MAP7: variants seen among roughly 807,000 people sequenced by gnomAD.
The protein encoded by MAP7 is microtubule associated protein 7.
A neutral mutation model predicts 94.8 loss-of-function variants in MAP7; 52 were observed. The observed-to-expected ratio is 0.55, with a 90% CI of 0.44 to 0.69. The LOEUF (loss-of-function observed/expected upper bound fraction) is 0.69. MAP7 is among the 30% of genes least tolerant of loss of function. The probability of loss-of-function intolerance (pLI) is 0.00; values close to 1 mark genes in which losing one functional copy is unlikely to be tolerated. For missense variants in MAP7, 940 were observed against 964.6 expected, an observed-to-expected ratio of 0.97 and a Z score of 0.34; for synonymous variants, 350 against 357.0, an observed-to-expected ratio of 0.98 and a Z score of 0.22.
intron 1 of MAP7, among the ~76,000 whole-genome samples, chr6:136,436,335 T>G (rs1796363299): frequency 6.6e-6 from 1 of 152,164 alleles, no homozygotes. Flanking sequence ...ATAAGGTAAC[T>G]ACTTATGCCT....
At chr6:136,402,218 T>C (rs777276262) in intron 3 of MAP7, among the ~76,000 whole-genome samples, 11 of 152,174 alleles carry the variant, frequency 7.2e-5, no homozygotes, top group Admixed American at 7.2e-4. Context: ...GCACTTACAC[T>C]CCAGACGGTA....
intron 1 of MAP7, among the ~76,000 whole-genome samples, chr6:136,494,304 A>G (rs1424737065): frequency 6.6e-6 from 1 of 152,210 alleles, no homozygotes; most frequent in Non-Finnish European, 1.5e-5. Context: ...AGATTTAGTA[A>G]CAGATTTGGT....
chr6:136,415,332 T>C (rs760920226), intron 2 of MAP7, among the ~76,000 whole-genome samples: 5 of 152,222 alleles, frequency 3.3e-5, no homozygotes, highest in East Asian at 1.9e-4. Context: ...GTCTGTAAAA[T>C]AGACAGTTTA....
intron 6 of MAP7, among the ~76,000 whole-genome samples, chr6:136,380,467 C>G (rs1334987571): frequency 1.3e-5 from 2 of 152,178 alleles, no homozygotes; most frequent in Non-Finnish European, 2.9e-5. Context: ...TAAAACAGAA[C>G]AAGCCTGTGA....
At chr6:136,411,260 C>T (rs547961602) in intron 3 of MAP7, among the ~76,000 whole-genome samples, 1 of 152,240 alleles carries the variant, frequency 6.6e-6, no homozygotes, top group Non-Finnish European at 1.5e-5. Context: ...ATTATTTTAA[C>T]AGAGAAGTCA....
chr6:136,381,030 T>G (rs556695305), intron 6 of MAP7, among the ~76,000 whole-genome samples: 1 of 152,380 alleles, frequency 6.6e-6, no homozygotes, highest in East Asian at 1.9e-4. Flanking sequence ...CTAATAATGA[T>G]GTATATACCT....
At chr6:136,443,681 C>T (rs1210170024) in intron 1 of MAP7, among the ~76,000 whole-genome samples, 2 of 152,060 alleles carry the variant, frequency 1.3e-5, no homozygotes, top group Non-Finnish European at 2.9e-5. Flanking sequence ...AACTCCTGAC[C>T]TCAAGTGATG....
chr6:136,460,993 C>T (rs537068268), intron 1 of MAP7, among the ~76,000 whole-genome samples: 113 of 152,254 alleles, frequency 7.4e-4, no homozygotes, highest in Middle Eastern at 3.4e-3. Flanking sequence ...GCGAGCATAA[C>T]TTACATGAAA....
At chr6:136,546,223 G>A (rs964441778) in intron 1 of MAP7, among the ~76,000 whole-genome samples, 5 of 151,848 alleles carry the variant, frequency 3.3e-5, no homozygotes, top group Non-Finnish European at 5.9e-5. Flanking sequence ...ACGTAACCCA[G>A]GCTAGTCTCA....
At chr6:136,503,461 T>C (rs1280006850) in intron 1 of MAP7, among the ~76,000 whole-genome samples, 4 of 152,106 alleles carry the variant, frequency 2.6e-5, no homozygotes, top group Non-Finnish European at 5.9e-5. Flanking sequence ...TGACCCGCCA[T>C]GTCAATGGAG....
intron 3 of MAP7, among the ~76,000 whole-genome samples, chr6:136,411,335 G>C (rs1787382347): frequency 1.3e-5 from 2 of 152,100 alleles, no homozygotes; most frequent in South Asian, 4.1e-4. Flanking sequence ...TATGTTTACT[G>C]TCCTCGCATT....
At chr6:136,436,481 G>C (rs1195119389) in intron 1 of MAP7, among the ~76,000 whole-genome samples, 1 of 151,896 alleles carries the variant, frequency 6.6e-6, no homozygotes, top group Non-Finnish European at 1.5e-5. Context: ...CTGGGCTCAA[G>C]TGATCCTTCT....
chr6:136,456,822 G>GGAAGATGAAGAAGAAGAAGAA (rs1803286218), intron 1 of MAP7, among the ~76,000 whole-genome samples: 2 of 69,040 alleles, frequency 2.9e-5, no homozygotes, highest in African/African-American at 6.3e-5. Context: ...AGAAGAAGAA[G>GGAAGATGAAGAAGAAGAAGAA]GAAGAAGAAG....
At chr6:136,405,171 C>T (rs143645375) in intron 3 of MAP7, among the ~76,000 whole-genome samples, 12 of 152,308 alleles carry the variant, frequency 7.9e-5, no homozygotes, top group South Asian at 6.2e-4. Flanking sequence ...ACATTGATTA[C>T]GTGCCAAGCT....
intron 3 of MAP7, among the ~76,000 whole-genome samples, chr6:136,401,788 A>G (rs1177996328): frequency 6.6e-6 from 1 of 152,156 alleles, no homozygotes; most frequent in African/African-American, 2.4e-5. Context: ...AATTAAAAAA[A>G]AAAAAAGAAA....
At chr6:136,355,408 T>C (rs1339755634) in intron 16 of MAP7, among the ~76,000 whole-genome samples, 1 of 151,978 alleles carries the variant, frequency 6.6e-6, no homozygotes, top group Non-Finnish European at 1.5e-5. Flanking sequence ...TTCAACATAA[T>C]TGGAAATGAA....
intron 1 of MAP7, among the ~76,000 whole-genome samples, chr6:136,538,151 GTGCCTCACCC>G (rs1314453575): frequency 1.1e-4 from 17 of 152,186 alleles, no homozygotes; most frequent in South Asian, 4.1e-4. Flanking sequence ...AGTGAGAAAT[GTGCCTCACCC>G]ACATGCCCAC....
intron 1 of MAP7, among the ~76,000 whole-genome samples, chr6:136,457,274 C>T (rs911566268): frequency 1.3e-5 from 2 of 150,614 alleles, no homozygotes; most frequent in Admixed American, 6.6e-5. Context: ...TATCTGAACA[C>T]ACCTTTAAAT....
rs371858744 is a variant in MAP7, at chr6:136,476,909, A to C, written c.68-55110T>G. ...AAGAGAGAAGTTAGACCTCTTCTTT[A>C]TGGTAGAAAGCCAACTAATAAATGT... On this transcript the variant is annotated intron_variant, in intron 1 of 17. Transcript: ENST00000354570. 1.4e-4 allele frequency among the ~76,000 whole-genome samples: 22 copies of C among 152,370 alleles called. No homozygotes were observed. The South Asian group carries it at 4.6e-3, about 32-fold the overall frequency.
Sources: allele counts gnomAD v4.1 joint callset (sites outside exome capture counted in the v4.1 genomes callset), GRCh38; gene constraint gnomAD v4.1.1; transcripts MANE v1.5; gene names NCBI Gene and HGNC (gene_info 2026-07-23, HGNC 2026-07-21).